The following TMTC1 variants were observed in gnomAD, a reference collection of about 807,000 sequenced individuals.
The protein encoded by TMTC1 is protein O-mannosyl-transferase TMTC1.
Under a neutral mutation model 104.8 loss-of-function variants are expected in TMTC1, and 73 were observed. That is an observed-to-expected ratio of 0.70 (90% CI 0.58 to 0.85). TMTC1 has a LOEUF of 0.85. TMTC1 is among the 40% of genes least tolerant of loss of function. The pLI is 0.00. For missense variants in TMTC1, 1,035 were observed against 1,096.1 expected (o/e 0.94, Z 0.79); for synonymous variants, 434 against 428.7 (o/e 1.01, Z -0.15).
At chr12:29,691,300 A>G (rs1941258859) in intron 5 of TMTC1, among the ~76,000 whole-genome samples, 1 of 152,118 alleles carries the variant, frequency 6.6e-6, no homozygotes, top group South Asian at 2.1e-4. Context: ...ACCCAAGAAC[A>G]GAAGACAGCA....
chr12:29,566,466 G>A (rs759376021), intron 9 of TMTC1, among the ~76,000 whole-genome samples: 17 of 152,126 alleles, frequency 1.1e-4, no homozygotes, highest in Non-Finnish European at 1.9e-4. Context: ...GGGCTCCAGC[G>A]GGGCTGGTCT....
intron 10 of TMTC1, among the ~76,000 whole-genome samples, chr12:29,537,793 A>G (rs570104949): frequency 6.6e-6 from 1 of 152,284 alleles, no homozygotes; most frequent in African/African-American, 2.4e-5. Context: ...CTGAGGATGA[A>G]GTGACATAGA....
chr12:29,610,821 A>G (rs1440288302), intron 6 of TMTC1, among the ~76,000 whole-genome samples: 1 of 152,208 alleles, frequency 6.6e-6, no homozygotes, highest in African/African-American at 2.4e-5. Flanking sequence ...GGGACAGAAA[A>G]TGGCTCAGGT....
intron 6 of TMTC1, among the ~76,000 whole-genome samples, chr12:29,620,920 G>A (rs902629343): frequency 6.6e-6 from 1 of 152,222 alleles, no homozygotes; most frequent in African/African-American, 2.4e-5. Flanking sequence ...TCATGGCACT[G>A]GTGGTCGGGG....
At chr12:29,663,062 C>T (rs1057286315) in intron 5 of TMTC1, among the ~76,000 whole-genome samples, 4 of 152,156 alleles carry the variant, frequency 2.6e-5, no homozygotes, top group Admixed American at 6.5e-5. Flanking sequence ...TTAGGGGGTC[C>T]GCTGCTTCCT....
chr12:29,561,289 G>A (rs944159249), intron 9 of TMTC1, among the ~76,000 whole-genome samples: 15 of 151,984 alleles, frequency 9.9e-5, no homozygotes, highest in African/African-American at 2.9e-4. Flanking sequence ...GTCATTCAAC[G>A]TTCAGCAAAT....
At chr12:29,696,375 G>T (rs992300173) in intron 5 of TMTC1, among the ~76,000 whole-genome samples, 1 of 152,118 alleles carries the variant, frequency 6.6e-6, no homozygotes, top group Non-Finnish European at 1.5e-5. Flanking sequence ...AACAGGTTTA[G>T]AAACTTCACT....
intron 10 of TMTC1, among the ~76,000 whole-genome samples, chr12:29,549,385 G>T (rs1945034893): frequency 6.6e-6 from 1 of 152,050 alleles, no homozygotes; most frequent in Admixed American, 6.6e-5. Context: ...CAGGGGAGGT[G>T]GAAACTTACT....
intron 1 of TMTC1, among the ~76,000 whole-genome samples, chr12:29,768,541 T>C (rs576780356): frequency 1.7e-3 from 265 of 152,258 alleles, no homozygotes; most frequent in Non-Finnish European, 3.3e-3. Context: ...AAATGAAGCA[T>C]GAATGTGTTC....
chr12:29,501,587 C>T lies in TMTC1; in HGVS notation c.*5259G>A, dbSNP rs878888448. The T allele has an allele frequency of 6.6e-6, 1 of 152,048 alleles. No individual in the cohort carries two copies. The highest frequency in any genetic ancestry group is 6.5e-5 in the Admixed American group (1 of 15,272). 9.4% of individuals were successfully genotyped at this position (152,048 alleles called of 1,614,324 possible). A position where few individuals can be genotyped will look rare whatever the true frequency, so the allele number is the denominator to read the frequency against. ...AGCAAGATAAATAACCCCCAAAGGA[C>T]ATCACACATACTGAAAACTACCAAA... On this transcript the variant is annotated 3_prime_UTR_variant, in exon 18 of 18. Transcript: ENST00000539277.
intron 10 of TMTC1, among the ~76,000 whole-genome samples, chr12:29,539,379 A>G (rs61923876): frequency 0.014 from 2,153 of 151,994 alleles, 29 homozygotes; most frequent in Non-Finnish European, 0.023. Context: ...TCGCTTGCTA[A>G]TGCCTTGGTT....
chr12:29,515,154 G>A (rs964097513), intron 15 of TMTC1, among the ~76,000 whole-genome samples: 7 of 152,052 alleles, frequency 4.6e-5, no homozygotes, highest in African/African-American at 1.7e-4. Context: ...ACAGGGAGGT[G>A]GTGTGATACA....
chr12:29,671,424 T>C (rs902575432), intron 5 of TMTC1, among the ~76,000 whole-genome samples: 5 of 152,210 alleles, frequency 3.3e-5, no homozygotes, highest in South Asian at 2.1e-4. Context: ...AACCAAAATG[T>C]TGAACACCGA....
At chr12:29,768,126 A>G (rs1943515254) in intron 1 of TMTC1, 51 bp from the exon 2 acceptor site, 3 of 1,357,506 alleles carry the variant, frequency 2.2e-6, no homozygotes, top group South Asian at 2.8e-5. Flanking sequence ...CAAACTCAAC[A>G]TAAACACAAG....
chr12:29,621,236 A>C (rs1483802034), intron 6 of TMTC1, among the ~76,000 whole-genome samples: 1 of 152,246 alleles, frequency 6.6e-6, no homozygotes, highest in Non-Finnish European at 1.5e-5. Context: ...TCAGTATATT[A>C]AAACATGATG....
In TMTC1 at chr12:29,502,205, A is replaced by G. The variant is rs981523103; in HGVS notation, c.*4641T>C. The G allele has an allele frequency of 5.3e-5, 8 of 152,208 alleles. No homozygotes were observed. Among genetic ancestry groups the G allele is most frequent in the Non-Finnish European group, 4.4e-5 (3 of 68,032 alleles). 9.4% of individuals were successfully genotyped at this position (152,208 alleles called of 1,614,324 possible). A position where few individuals can be genotyped will look rare whatever the true frequency, so the allele number is the denominator to read the frequency against. ...TACCAACATATAATCAAATCAAAGTAAACATAATTTGGAAACCAGGAACAA... is the reference window on the plus strand; with the variant it reads ...TACCAACATATAATCAAATCAAAGTGAACATAATTTGGAAACCAGGAACAA... On this transcript the variant is annotated 3_prime_UTR_variant, in exon 18 of 18. Transcript: ENST00000539277.
At chr12:29,750,122 A>G (rs1250457167) in intron 5 of TMTC1, among the ~76,000 whole-genome samples, 1 of 151,300 alleles carries the variant, frequency 6.6e-6, no homozygotes, top group Non-Finnish European at 1.5e-5. Context: ...CATTCCCCTC[A>G]GAATAAAATC....
At chr12:29,525,333 T>C (rs1166202243) in intron 11 of TMTC1, among the ~76,000 whole-genome samples, 1 of 151,506 alleles carries the variant, frequency 6.6e-6, no homozygotes, top group Non-Finnish European at 1.5e-5. Flanking sequence ...CAGGCACCCA[T>C]CACCACACCC....
intron 5 of TMTC1, among the ~76,000 whole-genome samples, chr12:29,744,216 C>A (rs1414134563): frequency 1.3e-5 from 2 of 152,128 alleles, no homozygotes; most frequent in Admixed American, 6.6e-5. Flanking sequence ...CACAGGGGAT[C>A]AAATATTGCC....
Sources: allele counts gnomAD v4.1 joint callset (sites outside exome capture counted in the v4.1 genomes callset), GRCh38; gene constraint gnomAD v4.1.1; transcripts MANE v1.5; gene names NCBI Gene and HGNC (gene_info 2026-07-23, HGNC 2026-07-21).